PRDM16: variants seen among roughly 807,000 people sequenced by gnomAD.
PRDM16 encodes PR/SET domain 16.
In PRDM16, 23 loss-of-function variants were observed where a neutral mutation model predicts 110.6. The ratio of observed to expected loss-of-function variants is 0.21; its 90% CI spans 0.15 to 0.29. PRDM16 has a LOEUF of 0.29. PRDM16 is among the 10% of genes least tolerant of loss of function. PRDM16 has a pLI of 1.00. For missense variants in PRDM16, 1,615 were observed against 1,794.3 expected, an observed-to-expected ratio of 0.90 and a Z score of 1.81; for synonymous variants, 799 against 781.8, an observed-to-expected ratio of 1.02 and a Z score of -0.37.
chr1:3,119,912 G>T (rs1375164344), intron 1 of PRDM16, among the ~76,000 whole-genome samples: 4 of 152,138 alleles, frequency 2.6e-5, no homozygotes, highest in African/African-American at 9.7e-5. Context: ...CAGGATCCCT[G>T]CGGCCCCACA....
intron 3 of PRDM16, among the ~76,000 whole-genome samples, chr1:3,268,258 A>G (rs987195535): frequency 2.6e-5 from 4 of 152,218 alleles, no homozygotes; most frequent in African/African-American, 9.7e-5. Context: ...CCGCTAATCC[A>G]CGGGGGAAGG....
At chr1:3,191,667 T>C (rs1221147321) in intron 2 of PRDM16, among the ~76,000 whole-genome samples, 1 of 152,254 alleles carries the variant, frequency 6.6e-6, no homozygotes, top group East Asian at 1.9e-4. Context: ...GGAATACTGA[T>C]GCTCTTCTGT....
intron 3 of PRDM16, among the ~76,000 whole-genome samples, chr1:3,292,490 G>A (rs1272773420): frequency 6.6e-6 from 1 of 152,188 alleles, no homozygotes; most frequent in African/African-American, 2.4e-5. Flanking sequence ...CTCTATCTGG[G>A]GCCGCAGCGT....
At chr1:3,406,008 G>A (rs1338502172) in intron 8 of PRDM16, among the ~76,000 whole-genome samples, 6 of 152,198 alleles carry the variant, frequency 3.9e-5, no homozygotes, top group East Asian at 1.9e-4. Context: ...CTCCCCACCT[G>A]TGCCGAGCTC....
chr1:3,436,164 T>G lies in PRDM16; in HGVS notation c.*2353T>G, dbSNP rs886865910. ...ACACCCCATTTCTGTAAACCCAAAT[T>G]ATATGGTTTCTTCTGCGAAAGAGTA... On this transcript the variant is annotated 3_prime_UTR_variant, in exon 17 of 17. Coordinates refer to ENST00000270722, the MANE Select transcript of PRDM16 (RefSeq NM_022114.4). 1.3e-5 allele frequency: 3 copies of G among 230,192 alleles called. No individual in the cohort carries two copies. Among genetic ancestry groups the G allele is most frequent in the Non-Finnish European group, 2.6e-5 (3 of 116,462 alleles). The allele number at this position is 230,192 out of a possible 1,614,324, so 14.3% of individuals were successfully genotyped here. A position where few individuals can be genotyped will look rare whatever the true frequency, so the allele number is the denominator to read the frequency against.
intron 1 of PRDM16, among the ~76,000 whole-genome samples, chr1:3,087,169 CAG>C (rs1433670796): frequency 6.7e-6 from 1 of 149,110 alleles, no homozygotes. Context: ...ACGTGCTGGT[CAG>C]CCCCACCCGA....
chr1:3,354,834 G>A (rs1642561625), intron 3 of PRDM16, among the ~76,000 whole-genome samples: 2 of 152,284 alleles, frequency 1.3e-5, no homozygotes, highest in South Asian at 2.1e-4. Context: ...GATGGATGGC[G>A]AGGTCTCCTC....
intron 3 of PRDM16, among the ~76,000 whole-genome samples, chr1:3,253,514 C>G (rs1445268542): frequency 4.0e-5 from 6 of 151,732 alleles, no homozygotes; most frequent in Admixed American, 2.6e-4. Flanking sequence ...CAATTTCATC[C>G]ATGTCCCTAC....
chr1:3,227,741 C>T (rs1383143295), intron 2 of PRDM16, among the ~76,000 whole-genome samples: 1 of 150,126 alleles, frequency 6.7e-6, no homozygotes, highest in African/African-American at 2.5e-5. Context: ...TTTAGCTCCT[C>T]TTCAAATATC....
rs74761072 is a variant in PRDM16, at chr1:3,190,991, G to A, written c.387+4517G>A. 0.012 allele frequency among the ~76,000 whole-genome samples: 1,824 copies of A among 152,196 alleles called. 60 individuals are homozygous for A. The highest frequency in any genetic ancestry group is 0.097 in the East Asian group (495 of 5,098). ...TTGGGGCCTGCTGGGGCGGGATCCC[G>A]CAGGACCCCCAGGGGAGGCACTGGG... On this transcript the variant is annotated intron_variant, in intron 2 of 16. Coordinates refer to ENST00000270722, the MANE Select transcript of PRDM16 (RefSeq NM_022114.4). This position sits in a 1 kb window ranked among gnomAD's most constrained non-coding sequence, Gnocchi z 5.0.
intron 3 of PRDM16, among the ~76,000 whole-genome samples, chr1:3,347,137 C>T (rs934536987): frequency 1.3e-5 from 2 of 152,148 alleles, no homozygotes. Context: ...TGTACAGCCC[C>T]GGGAGTGTGA....
At chr1:3,072,539 G>A (rs1641790383) in intron 1 of PRDM16, among the ~76,000 whole-genome samples, 1 of 152,216 alleles carries the variant, frequency 6.6e-6, no homozygotes, top group Non-Finnish European at 1.5e-5. Context: ...AGGGTGATGC[G>A]TGTGGAAGGT....
chr1:3,079,541 C>T (rs1196365843), intron 1 of PRDM16, among the ~76,000 whole-genome samples: 1 of 152,232 alleles, frequency 6.6e-6, no homozygotes, highest in Admixed American at 6.5e-5. Context: ...CATGGAGCGG[C>T]CTGGCCCCAG....
chr1:3,340,018 C>T (rs945370492), intron 3 of PRDM16, among the ~76,000 whole-genome samples: 1 of 152,192 alleles, frequency 6.6e-6, no homozygotes, highest in South Asian at 2.1e-4. Context: ...TCTGATGCTC[C>T]GTCAATGGCA....
intron 2 of PRDM16, among the ~76,000 whole-genome samples, chr1:3,238,886 G>A (rs1267584467): frequency 1.3e-5 from 2 of 152,262 alleles, no homozygotes; most frequent in African/African-American, 4.8e-5. Context: ...CTCGACATCT[G>A]CCCGGTCACC....
chr1:3,404,915 C>G, intron 7 of PRDM16, 29 bp downstream of exon 7: 1 of 1,606,834 alleles, frequency 6.2e-7, no homozygotes, highest in Middle Eastern at 1.7e-4. Flanking sequence ...CCGTCTCAGC[C>G]CCGGGGCAGC....
rs1031437488 is a variant in PRDM16 at position 3,339,575 on chromosome 1, G to A, written c.439-45577G>A. Among the ~76,000 whole-genome samples, 1 of 151,972 alleles carries A rather than the reference G, an allele frequency of 6.6e-6. No homozygotes were observed. Among genetic ancestry groups the A allele is most frequent in the African/African-American group, 2.4e-5 (1 of 41,360 alleles). ...AGGCAGTGAGGTGGGAAGGAGCGTGGGAGGAGGCTGCGGAGCGACCATTGC... is the reference window on the plus strand; with the variant it reads ...AGGCAGTGAGGTGGGAAGGAGCGTGAGAGGAGGCTGCGGAGCGACCATTGC... On this transcript the variant is annotated intron_variant, in intron 3 of 16. Coordinates refer to ENST00000270722, the MANE Select transcript of PRDM16 (RefSeq NM_022114.4). This position sits in a 1 kb window ranked among gnomAD's most constrained non-coding sequence, Gnocchi z 5.0.
At chr1:3,191,644 C>G (rs1390101727) in intron 2 of PRDM16, among the ~76,000 whole-genome samples, 2 of 152,190 alleles carry the variant, frequency 1.3e-5, no homozygotes, top group Non-Finnish European at 2.9e-5. Flanking sequence ...GGCCTGTCCC[C>G]CTACATGTGT....
At position 3,425,202 on chromosome 1, in the gene PRDM16, A is replaced by C. The variant is rs1001796602; in HGVS notation, c.2940-379A>C. 7 of 163,400 alleles carry C rather than the reference A, an allele frequency of 4.3e-5. No homozygotes were observed. Among genetic ancestry groups the C allele is most frequent in the South Asian group, 1.6e-4 (1 of 6,288 alleles). 10.1% of individuals were successfully genotyped at this position (163,400 alleles called of 1,614,324 possible). On this transcript the variant is annotated intron_variant, in intron 12 of 16. Transcript: ENST00000270722. The surrounding 1 kb of genome is among the most constrained non-coding windows in gnomAD (Gnocchi z 6.9). Reference sequence around the variant, plus strand: ...ACGCCATTCTCCTGCCTCAGCCTCCAGAGTAGCTGGGACTACAGGCGCCCA... The same window carrying C: ...ACGCCATTCTCCTGCCTCAGCCTCCCGAGTAGCTGGGACTACAGGCGCCCA...
Sources: allele counts gnomAD v4.1 joint callset (sites outside exome capture counted in the v4.1 genomes callset), GRCh38; gene constraint gnomAD v4.1.1; non-coding constraint Gnocchi (gnomAD v3.1); transcripts MANE v1.5; gene names NCBI Gene and HGNC (gene_info 2026-07-23, HGNC 2026-07-21).